The following SERPINE2 variants were observed in gnomAD, a reference collection of about 807,000 sequenced individuals.
The protein encoded by SERPINE2 is serpin family E member 2.
In SERPINE2, 14 loss-of-function variants were observed where a neutral mutation model predicts 36.3. The ratio of observed to expected loss-of-function variants is 0.39; its 90% CI spans 0.25 to 0.60. The LOEUF (loss-of-function observed/expected upper bound fraction) is 0.60. Ranked by LOEUF, SERPINE2 falls within the 20% of genes least tolerant of loss-of-function variation. The pLI is 0.57. For synonymous variants in SERPINE2, 192 were observed against 191.8 expected, an observed-to-expected ratio of 1.00 and a Z score of -0.01; for missense variants, 418 against 499.6, an observed-to-expected ratio of 0.84 and a Z score of 1.56.
chr2:223,997,334 C>CCT (rs1690930964), intron 3 of SERPINE2, among the ~76,000 whole-genome samples: 1 of 152,178 alleles, frequency 6.6e-6, no homozygotes, highest in Non-Finnish European at 1.5e-5. Flanking sequence ...GATTCTCCTG[C>CCT]CTCAGCCTCC....
At chr2:224,005,065 T>TTATATATTTATATATATATATATATATA (rs1553547022) in intron 1 of SERPINE2, among the ~76,000 whole-genome samples, 24 of 33,564 alleles carry the variant, frequency 7.2e-4, no homozygotes, top group East Asian at 6.1e-3. Context: ...TTTATATATA[T>TTATATATTTATATATATATATATATATA]TATATATATA....
chr2:224,006,867 A>G (rs1691444499), intron 1 of SERPINE2, among the ~76,000 whole-genome samples: 1 of 152,164 alleles, frequency 6.6e-6, no homozygotes, highest in Non-Finnish European at 1.5e-5. Context: ...TTCTGCACAG[A>G]CGCCACCCCT....
At chr2:223,982,525 C>T (rs1344810267) in intron 6 of SERPINE2, 156 bp downstream of exon 6, 26 of 473,322 alleles carry the variant, frequency 5.5e-5, no homozygotes, top group Non-Finnish European at 7.5e-5. Flanking sequence ...AATAAATAAA[C>T]GAAGGCCAAT....
At position 224,005,065 on chromosome 2, in the gene SERPINE2, TTATATA is replaced by T. The variant is rs71058976; in HGVS notation, c.-22-3149_-22-3144del. On this transcript the variant is annotated intron_variant, in intron 1 of 8. Transcript: ENST00000409304. ...ATATATTTTATATATTTTATATATA[TTATATA>T]TATATATATATATATATATATATAT... Among the ~76,000 whole-genome samples, 104 of 33,570 alleles carry T rather than the reference TTATATA, an allele frequency of 3.1e-3. 3 individuals carry two copies. Among genetic ancestry groups the T allele is most frequent in the South Asian group, 7.9e-3 (9 of 1,144 alleles). 22.0% of individuals were successfully genotyped at this position (33,570 alleles called of 152,430 possible). A position where few individuals can be genotyped will look rare whatever the true frequency, so the allele number is the denominator to read the frequency against.
At chr2:224,034,804 G>A (rs1318953611) in intron 1 of SERPINE2, among the ~76,000 whole-genome samples, 2 of 152,206 alleles carry the variant, frequency 1.3e-5, no homozygotes, top group Admixed American at 1.3e-4. Context: ...GGGGCTGCGA[G>A]GAAGTGGGGC....
At chr2:223,976,912 G>A (rs977005493) in intron 8 of SERPINE2, among the ~76,000 whole-genome samples, 1 of 152,210 alleles carries the variant, frequency 6.6e-6, no homozygotes, top group Non-Finnish European at 1.5e-5. Context: ...GGCAGGACCA[G>A]GTGGAGAAAA....
chr2:224,016,526 T>A (rs1396736402), intron 1 of SERPINE2, among the ~76,000 whole-genome samples: 1 of 151,996 alleles, frequency 6.6e-6, no homozygotes, highest in East Asian at 1.9e-4. Flanking sequence ...AAAAAAATAG[T>A]TTGGTAGTTT....
chr2:223,977,300 T>C (rs935262961), intron 8 of SERPINE2, among the ~76,000 whole-genome samples: 3 of 152,258 alleles, frequency 2.0e-5, no homozygotes, highest in Non-Finnish European at 4.4e-5. Flanking sequence ...TGAGCCTCTC[T>C]GTTAAAAACA....
At chr2:223,988,022 T>A (rs1479313083) in intron 4 of SERPINE2, among the ~76,000 whole-genome samples, 13 of 152,266 alleles carry the variant, frequency 8.5e-5, no homozygotes, top group Non-Finnish European at 1.9e-4. Context: ...TGCTCCATCG[T>A]GTGCAATACT....
At chr2:224,012,707 A>G (rs532147165) in intron 1 of SERPINE2, among the ~76,000 whole-genome samples, 4 of 152,304 alleles carry the variant, frequency 2.6e-5, no homozygotes, top group African/African-American at 9.6e-5. Context: ...AATATTTATT[A>G]TTCTGTATAC....
rs969541238 is a variant in SERPINE2 at position 224,030,895 on chromosome 2, T to C, written c.-23+8204A>G. 3 of 901,384 alleles carry C rather than the reference T, an allele frequency of 3.3e-6. No individual in the cohort carries two copies. In the African/African-American group the frequency reaches 5.4e-5, roughly 16 times the overall value. 55.8% of individuals were successfully genotyped at this position (901,384 alleles called of 1,614,324 possible). A position where few individuals can be genotyped will look rare whatever the true frequency, so the allele number is the denominator to read the frequency against. Reference sequence around the variant, plus strand: ...TCAATCCAAAGGTCAGTACTAATTTTAGATTTCAGTCCCAGAAAAAAACAA... The same window carrying C: ...TCAATCCAAAGGTCAGTACTAATTTCAGATTTCAGTCCCAGAAAAAAACAA... On this transcript the variant is annotated intron_variant, in intron 1 of 8. Coordinates refer to ENST00000409304, the MANE Select transcript of SERPINE2 (RefSeq NM_001136528.2).
chr2:224,038,550 C>T (rs1026137456), intron 1 of SERPINE2: 1 of 1,547,260 alleles, frequency 6.5e-7, no homozygotes, highest in Non-Finnish European at 8.7e-7. Flanking sequence ...TAGCAAAGAC[C>T]TGCTCGCTCG....
At position 224,039,159 on chromosome 2, in the gene SERPINE2, G is replaced by C. The variant is rs939394364; in HGVS notation, c.-83C>G. 6.6e-6 allele frequency: 1 copy of C among 151,020 alleles called. No individual in the cohort carries two copies. Among genetic ancestry groups the C allele is most frequent in the Non-Finnish European group, 1.5e-5 (1 of 67,682 alleles). 9.4% of individuals were successfully genotyped at this position (151,020 alleles called of 1,614,324 possible). The stretch of plus-strand genomic sequence containing the variant: ...GGCGGTGCGGCCGCAACCGGAGCGG[G>C]AGCCTGGTCTCGGCGGCGCGGGGAG... On this transcript the variant is annotated 5_prime_UTR_variant, in exon 1 of 9. Transcript: ENST00000409304. The surrounding 1 kb of genome is among the most constrained non-coding windows in gnomAD (Gnocchi z 5.2).
At chr2:224,017,704 T>G (rs1691846091) in intron 1 of SERPINE2, among the ~76,000 whole-genome samples, 1 of 152,194 alleles carries the variant, frequency 6.6e-6, no homozygotes, top group African/African-American at 2.4e-5. Context: ...AAAATCGGTG[T>G]AATAGTAGTT....
At chr2:224,038,505 C>A (rs1692602903) in intron 1 of SERPINE2, 5 of 1,551,432 alleles carry the variant, frequency 3.2e-6, no homozygotes, top group Non-Finnish European at 4.4e-6. Context: ...GTCACTCATC[C>A]GCCTCGCAAC....
At chr2:223,999,564 A>G (rs1283632487) in intron 2 of SERPINE2, among the ~76,000 whole-genome samples, 1 of 152,152 alleles carries the variant, frequency 6.6e-6, no homozygotes, top group Non-Finnish European at 1.5e-5. Context: ...TTAGATGCCC[A>G]TGACCACACC....
intron 8 of SERPINE2, among the ~76,000 whole-genome samples, chr2:223,976,450 C>A (rs1230426528): frequency 6.6e-6 from 1 of 152,132 alleles, no homozygotes; most frequent in East Asian, 1.9e-4. Flanking sequence ...CCGCACCCAA[C>A]CAGAAATTGA....
rs149107630 is a variant in SERPINE2 at position 224,022,907 on chromosome 2, G to A, written c.-23+16192C>T. Among the ~76,000 whole-genome samples the A allele has an allele frequency of 5.9e-3, 892 of 152,290 alleles. 6 individuals carry two copies. Among genetic ancestry groups the A allele is most frequent in the Non-Finnish European group, 8.7e-3 (593 of 68,014 alleles). ...ATAATGAGTGAATCTCATGAGATTTGATGGTTTTATAAGTGTCTGGCATTT... is the reference window on the plus strand; with the variant it reads ...ATAATGAGTGAATCTCATGAGATTTAATGGTTTTATAAGTGTCTGGCATTT... On this transcript the variant is annotated intron_variant, in intron 1 of 8. Transcript: ENST00000409304.
chr2:224,004,738 T>G (rs1478902890), intron 1 of SERPINE2, among the ~76,000 whole-genome samples: 42 of 152,078 alleles, frequency 2.8e-4, no homozygotes, highest in Non-Finnish European at 4.4e-5. Context: ...TATAAAACAT[T>G]GTGTACAATC....
Sources: allele counts gnomAD v4.1 joint callset (sites outside exome capture counted in the v4.1 genomes callset), GRCh38; gene constraint gnomAD v4.1.1; non-coding constraint Gnocchi (gnomAD v3.1); transcripts MANE v1.5; gene names NCBI Gene and HGNC (gene_info 2026-07-23, HGNC 2026-07-21).